Variants in PI4K2A observed in about 807,000 individuals in gnomAD.
PI4K2A encodes phosphatidylinositol 4-kinase type 2 alpha, also known as phosphatidylinositol 4-kinase type 2-alpha.
In PI4K2A, 20 loss-of-function variants were observed where a neutral mutation model predicts 55.0. That is an observed-to-expected ratio of 0.36 (90% CI 0.26 to 0.53). PI4K2A has a LOEUF of 0.53. Ranked by LOEUF, PI4K2A falls within the 20% of genes least tolerant of loss-of-function variation. The pLI, the probability that PI4K2A is intolerant of heterozygous loss-of-function variation, is 0.91. For synonymous variants in PI4K2A, 235 were observed against 258.5 expected (o/e 0.91, Z 0.87); for missense variants, 463 against 637.1 (o/e 0.73, Z 2.94).
At chr10:97,664,863 T>G in intron 5 of PI4K2A, 22 bp from the exon 6 acceptor site, 1 of 1,561,608 alleles carries the variant, frequency 6.4e-7, no homozygotes, top group Non-Finnish European at 8.8e-7. Context: ...TCCTCAGTCA[T>G]TAGTCTTTCC....
intron 8 of PI4K2A, 104 bp downstream of exon 8, chr10:97,667,224 T>A (rs914667361): frequency 1.7e-5 from 14 of 805,094 alleles, no homozygotes; most frequent in Admixed American, 4.3e-5. Context: ...CCCCCTTTTT[T>A]TTTGAGACCG....
intron 1 of PI4K2A, among the ~76,000 whole-genome samples, chr10:97,642,862 T>C (rs1222865449): frequency 0.014 from 240 of 16,570 alleles, 13 homozygotes; most frequent in East Asian, 0.038. Flanking sequence ...TTTCTTTCTT[T>C]CTTTTTCTTT....
chr10:97,675,699 G>A (rs1004516178), exon 9 of PI4K2A: 1 of 152,784 alleles, frequency 6.5e-6, no homozygotes, highest in Non-Finnish European at 1.5e-5. Context: ...CCAGCTCTGT[G>A]ATCAGAAGGA....
chr10:97,673,785 A>C, exon 9 of PI4K2A: 4 of 1,594,844 alleles, frequency 2.5e-6, no homozygotes, highest in Non-Finnish European at 3.4e-6. Context: ...GACTGGTGGG[A>C]GGAAGCCTGG....
At chr10:97,650,871 T>G in intron 1 of PI4K2A, 70 bp from the exon 2 acceptor site, 1 of 1,130,628 alleles carries the variant, frequency 8.8e-7, no homozygotes, top group South Asian at 1.3e-5. Context: ...TCCAGATTCC[T>G]GCTGACTTGG....
chr10:97,646,553 G>A (rs1261952121), intron 1 of PI4K2A, among the ~76,000 whole-genome samples: 10 of 152,212 alleles, frequency 6.6e-5, no homozygotes, highest in Non-Finnish European at 1.5e-4. Flanking sequence ...AGACCAAAAC[G>A]TTTGAGAACT....
chr10:97,662,122 G>A (rs192530541), intron 4 of PI4K2A, among the ~76,000 whole-genome samples: 2 of 152,156 alleles, frequency 1.3e-5, no homozygotes, highest in Non-Finnish European at 2.9e-5. Context: ...CTCCCAAAAT[G>A]CTGGGATTTC....
intron 4 of PI4K2A, among the ~76,000 whole-genome samples, chr10:97,658,870 T>C (rs1390940670): frequency 2.0e-5 from 3 of 152,232 alleles, no homozygotes; most frequent in African/African-American, 7.2e-5. Flanking sequence ...GCCAATCATA[T>C]ATCTTCTTTG....
At chr10:97,662,015 CTAATCT>C (rs1301216083) in intron 4 of PI4K2A, among the ~76,000 whole-genome samples, 1 of 151,812 alleles carries the variant, frequency 6.6e-6, no homozygotes, top group African/African-American at 2.4e-5. Context: ...CCACACCTGG[CTAATCT>C]TATTTACAAT....
rs2041556852 is a variant in PI4K2A, at chr10:97,656,773, G to T, written c.769-48G>T. On this transcript the variant is annotated intron_variant, in intron 3 of 8. Transcript: ENST00000370631. The surrounding 1 kb of genome is among the most constrained non-coding windows in gnomAD (Gnocchi z 4.5). The stretch of plus-strand genomic sequence containing the variant: ...TCTGGCATATACTCCAAAGGTCTTT[G>T]GATTTGGGCAGTAGGGAAAAACCTT... 1.3e-6 allele frequency: 2 copies of T among 1,588,508 alleles called. No homozygotes were observed. Among genetic ancestry groups the T allele is most frequent in the Non-Finnish European group, 1.7e-6 (2 of 1,158,278 alleles).
At chr10:97,663,523 T>A (rs1489046174) in intron 5 of PI4K2A, among the ~76,000 whole-genome samples, 1 of 151,486 alleles carries the variant, frequency 6.6e-6, no homozygotes, top group Admixed American at 6.6e-5. Flanking sequence ...TTTCTTTTTT[T>A]TTTTTTTAAG....
Position 97,663,091 on chromosome 10 carries a change from ATTAAT to A in PI4K2A, c.984+124_984+128del. The stretch of plus-strand genomic sequence containing the variant: ...GAATCGGGGGGCGCATATGTTTAAA[ATTAAT>A]AGGTTAATATTTGGTAAAGTTTTTC... On this transcript the variant is annotated intron_variant, in intron 5 of 8. Coordinates refer to ENST00000370631, the Ensembl canonical transcript of PI4K2A. 4.3e-6 allele frequency: 3 copies of A among 692,250 alleles called. No individual in the cohort carries two copies. The Admixed American group carries it at 6.6e-5, about 15-fold the overall frequency. The allele number at this position is 692,250 out of a possible 1,614,324, so 42.9% of individuals were successfully genotyped here.
intron 1 of PI4K2A, among the ~76,000 whole-genome samples, chr10:97,644,243 C>G (rs780102582): frequency 6.6e-6 from 1 of 152,084 alleles, no homozygotes; most frequent in African/African-American, 2.4e-5. Context: ...CCCAGCTACT[C>G]GGGAGGCTGA....
At chr10:97,663,919 C>A (rs2041598295) in intron 5 of PI4K2A, among the ~76,000 whole-genome samples, 1 of 151,874 alleles carries the variant, frequency 6.6e-6, no homozygotes, top group Admixed American at 6.6e-5. Flanking sequence ...GCCTTGGACT[C>A]CTGGGCTCAA....
At chr10:97,666,766 G>T (rs2041611737) in intron 7 of PI4K2A, among the ~76,000 whole-genome samples, 195 bp downstream of exon 7, 1 of 152,196 alleles carries the variant, frequency 6.6e-6, no homozygotes, top group East Asian at 1.9e-4. Flanking sequence ...GGGCAGGGGT[G>T]AGAAATCACA....
chr10:97,641,005 C>T (rs1337609268), exon 1 of PI4K2A: 1 of 1,555,058 alleles, frequency 6.4e-7, no homozygotes, highest in Non-Finnish European at 8.6e-7. Flanking sequence ...GCCGCTCAGG[C>T]CGCGGCGGCA....
At chr10:97,651,225 T>A (rs761812930) in intron 2 of PI4K2A, 84 bp downstream of exon 2, 2 of 979,822 alleles carry the variant, frequency 2.0e-6, no homozygotes, top group African/African-American at 3.2e-5. Context: ...AGTGGGACCT[T>A]GGGTCCAGTG....
chr10:97,647,994 G>C (rs1027096812), intron 1 of PI4K2A, among the ~76,000 whole-genome samples: 2 of 151,610 alleles, frequency 1.3e-5, no homozygotes, highest in Non-Finnish European at 2.9e-5. Context: ...CAGTGCAGTG[G>C]CATGCTTCTA....
chr10:97,645,591 C>T (rs911445943), intron 1 of PI4K2A, among the ~76,000 whole-genome samples: 2 of 121,872 alleles, frequency 1.6e-5, no homozygotes, highest in Non-Finnish European at 3.3e-5. Flanking sequence ...CTGGGCGAGA[C>T]AGCAAGACTC....
Sources: gnomAD v4.1 joint callset for allele counts (sites outside exome capture counted in the v4.1 genomes callset) on GRCh38, gnomAD v4.1.1 for gene constraint, Gnocchi (gnomAD v3.1) non-coding constraint, MANE v1.5 for transcripts, NCBI Gene and HGNC (gene_info 2026-07-23, HGNC 2026-07-21) for gene names.